Variants in CRTAC1 observed in about 807,000 individuals in gnomAD.
CRTAC1 encodes the protein acidic secreted protein in cartilage.
Under a neutral mutation model 67.8 loss-of-function variants are expected in CRTAC1, and 37 were observed. The observed-to-expected ratio is 0.55, with a 90% CI of 0.42 to 0.72. The LOEUF (loss-of-function observed/expected upper bound fraction) is 0.72. Among genes scored for constraint, CRTAC1 ranks in the 30% least tolerant of loss-of-function variants. CRTAC1 has a pLI of 0.00. For synonymous variants in CRTAC1, 348 were observed against 371.0 expected (o/e 0.94, Z 0.71); for missense variants, 780 against 931.6 (o/e 0.84, Z 2.12).
chr10:97,975,957 G>T lies in CRTAC1; in HGVS notation c.224+35181C>A, dbSNP rs182414048. On this transcript the variant is annotated intron_variant, in intron 2 of 14. Transcript: ENST00000370597. This position sits in a 1 kb window ranked among gnomAD's most constrained non-coding sequence, Gnocchi z 4.8. ...CCCGAACCACATCTTACATCTTCGG[G>T]CCCCTATAGAGACCACTGACGTGGA... Among the ~76,000 whole-genome samples the T allele has an allele frequency of 3.8e-3, 573 of 152,278 alleles. 4 individuals are homozygous for T. Among genetic ancestry groups the T allele is most frequent in the South Asian group, 5.4e-3 (26 of 4,826 alleles).
rs554230120 is a variant in CRTAC1 at position 97,919,773 on chromosome 10, T to C, written c.559-2117A>G. 8.4e-5 allele frequency among the ~76,000 whole-genome samples: 12 copies of C among 143,616 alleles called. 1 individual carries two copies. The South Asian group carries it at 2.7e-3, about 33-fold the overall frequency. The allele number at this position is 143,616 out of a possible 152,430, so 94.2% of individuals were successfully genotyped here. A position where few individuals can be genotyped will look rare whatever the true frequency, so the allele number is the denominator to read the frequency against. On this transcript the variant is annotated intron_variant, in intron 4 of 14. Coordinates refer to ENST00000370597, the MANE Select transcript of CRTAC1 (RefSeq NM_018058.7). ...GATGCACTGCTTTACAGTACAGCCT[T>C]TTTTTTTTTTTTTAAGACAGGGTCT...
intron 11 of CRTAC1, among the ~76,000 whole-genome samples, chr10:97,894,998 T>G (rs1208799514): frequency 6.6e-6 from 1 of 151,732 alleles, no homozygotes; most frequent in Non-Finnish European, 1.5e-5. Flanking sequence ...CAAGGTGAAC[T>G]AATTCCACAG....
intron 2 of CRTAC1, among the ~76,000 whole-genome samples, chr10:97,998,258 C>A (rs1049028255): frequency 6.6e-6 from 1 of 152,156 alleles, no homozygotes; most frequent in Non-Finnish European, 1.5e-5. Flanking sequence ...CAGGCATGAG[C>A]CACTGTTCCT....
chr10:98,027,571 C>T (rs1345932021), intron 1 of CRTAC1, among the ~76,000 whole-genome samples: 1 of 152,182 alleles, frequency 6.6e-6, no homozygotes, highest in East Asian at 1.9e-4. Flanking sequence ...AATGCACAGA[C>T]TGAAACCTGG....
intron 5 of CRTAC1, among the ~76,000 whole-genome samples, chr10:97,909,361 G>A (rs1472887336): frequency 6.6e-6 from 1 of 152,098 alleles, no homozygotes; most frequent in Non-Finnish European, 1.5e-5. Context: ...ATCAAGACAC[G>A]GCTTCTAGCC....
intron 2 of CRTAC1, among the ~76,000 whole-genome samples, chr10:97,950,238 CACACACACAGAGAGAG>C (rs1328910299): frequency 3.9e-4 from 27 of 69,778 alleles, no homozygotes; most frequent in South Asian, 9.2e-4. Flanking sequence ...TACGTGCACA[CACACACACAGAGAGAG>C]AGAGAGAGAG....
intron 11 of CRTAC1, among the ~76,000 whole-genome samples, chr10:97,886,731 C>T (rs918494999): frequency 1.3e-5 from 2 of 151,200 alleles, no homozygotes; most frequent in Non-Finnish European, 3.0e-5. Context: ...TGCAACCTCC[C>T]CCTCCCAGGT....
At chr10:98,024,233 C>T (rs546763042) in intron 1 of CRTAC1, among the ~76,000 whole-genome samples, 1 of 152,222 alleles carries the variant, frequency 6.6e-6, no homozygotes, top group South Asian at 2.1e-4. Flanking sequence ...TTGTCCGGTG[C>T]AAACAAAGAT....
Position 98,030,333 on chromosome 10 carries a change from C to T in CRTAC1, c.24+116G>A, listed in dbSNP as rs569897402. 1.6e-6 allele frequency: 1 copy of T among 641,580 alleles called. No individual in the cohort carries two copies. The highest frequency in any genetic ancestry group is 1.9e-5 in the African/African-American group (1 of 52,772). The allele number at this position is 641,580 out of a possible 1,614,324, so 39.7% of individuals were successfully genotyped here. ...AAGCCGCCGCCTTCGCGATCCCAGTCTTCCCGGGTTCCCGGGCGGCGTCCC... is the reference window on the plus strand; with the variant it reads ...AAGCCGCCGCCTTCGCGATCCCAGTTTTCCCGGGTTCCCGGGCGGCGTCCC... On this transcript the variant is annotated intron_variant, in intron 1 of 14. Transcript: ENST00000370597. This position sits in a 1 kb window ranked among gnomAD's most constrained non-coding sequence, Gnocchi z 4.2.
intron 8 of CRTAC1, among the ~76,000 whole-genome samples, chr10:97,897,750 T>C (rs182761180): frequency 1.3e-4 from 20 of 152,384 alleles, no homozygotes; most frequent in Middle Eastern, 3.4e-3. Flanking sequence ...ATGATGGCAG[T>C]GAGCTTTCCT....
chr10:98,030,443 A>G lies in CRTAC1; in HGVS notation c.24+6T>C. 8.0e-7 allele frequency: 1 copy of G among 1,250,250 alleles called. No individual in the cohort carries two copies. The highest frequency in any genetic ancestry group is 1.0e-6 in the Non-Finnish European group (1 of 989,386). The allele number at this position is 1,250,250 out of a possible 1,614,324, so 77.4% of individuals were successfully genotyped here. A position where few individuals can be genotyped will look rare whatever the true frequency, so the allele number is the denominator to read the frequency against. On this transcript the variant is annotated splice_donor_region_variant and intron_variant, in intron 1 of 14. Coordinates refer to ENST00000370597, the MANE Select transcript of CRTAC1 (RefSeq NM_018058.7). This position sits in a 1 kb window ranked among gnomAD's most constrained non-coding sequence, Gnocchi z 4.2. ...TAGGGTGGGGGGCACCGGTGCAGAT[A>G]CTCACGCCGGGGTCAGCGCTCGGAG...
intron 2 of CRTAC1, 76 bp from the exon 3 acceptor site, chr10:97,936,442 G>A (rs1305473861): frequency 4.0e-6 from 5 of 1,253,812 alleles, no homozygotes; most frequent in African/African-American, 3.0e-5. Flanking sequence ...AGAGCAACGG[G>A]CTGGGAGTCC....
intron 2 of CRTAC1, among the ~76,000 whole-genome samples, chr10:97,992,213 G>T (rs1215808306): frequency 6.6e-6 from 1 of 152,142 alleles, no homozygotes; most frequent in African/African-American, 2.4e-5. Flanking sequence ...GATCCTGGTG[G>T]AACTAGAATT....
intron 4 of CRTAC1, among the ~76,000 whole-genome samples, chr10:97,922,349 G>A (rs1040885535): frequency 1.3e-5 from 2 of 152,212 alleles, no homozygotes; most frequent in Non-Finnish European, 2.9e-5. Flanking sequence ...GGCCCCTGCT[G>A]TAAAGATTCA....
At chr10:98,020,457 C>T (rs1290092431) in intron 1 of CRTAC1, among the ~76,000 whole-genome samples, 1 of 152,256 alleles carries the variant, frequency 6.6e-6, no homozygotes, top group Admixed American at 6.5e-5. Context: ...GGGTAAGTAA[C>T]TTGCCCAAGG....
chr10:97,884,231 G>A lies in CRTAC1; in HGVS notation c.1607C>T (p.Thr536Ile), dbSNP rs1267882363. ...LEILYPRDEDTLQDPAPLECG... is the reference protein window; with the variant it reads ...LEILYPRDEDILQDPAPLECG... ...CTCCAGTGGGGCTGGGTCCTGAAGT[G>A]TGTCCTCATCCCGGGGGTAGAGGAT... The change falls in exon 12 of 15, where the codon ACA becomes ATA. Residue 536 changes from threonine (T) to isoleucine (I), a missense_variant. Coordinates refer to ENST00000370597, the MANE Select transcript of CRTAC1 (RefSeq NM_018058.7). 5.1e-6 allele frequency: 8 copies of A among 1,569,868 alleles called. No individual in the cohort carries two copies. Among genetic ancestry groups the A allele is most frequent in the Non-Finnish European group, 8.6e-7 (1 of 1,156,426 alleles).
intron 6 of CRTAC1, 36 bp from the exon 7 acceptor site, chr10:97,904,850 C>T (rs2050589252): frequency 3.8e-6 from 6 of 1,558,758 alleles, no homozygotes; most frequent in Non-Finnish European, 2.6e-6. Flanking sequence ...AGGGCGGCAT[C>T]CCCTGCACAC....
At chr10:97,931,773 T>C (rs767039944) in intron 3 of CRTAC1, among the ~76,000 whole-genome samples, 20 of 152,176 alleles carry the variant, frequency 1.3e-4, no homozygotes, top group Non-Finnish European at 2.9e-4. Context: ...GGCCAGCTCA[T>C]GCGGGCGGGA....
At chr10:97,978,762 C>T (rs1337306017) in intron 2 of CRTAC1, among the ~76,000 whole-genome samples, 2 of 152,196 alleles carry the variant, frequency 1.3e-5, no homozygotes, top group Non-Finnish European at 2.9e-5. Flanking sequence ...GTCTCTGTCA[C>T]TCACTCTGAC....
Sources: gnomAD v4.1 joint callset for allele counts (sites outside exome capture counted in the v4.1 genomes callset) on GRCh38, gnomAD v4.1.1 for gene constraint, Gnocchi (gnomAD v3.1) non-coding constraint, MANE v1.5 for transcripts, NCBI Gene and HGNC (gene_info 2026-07-23, HGNC 2026-07-21) for gene names.